ITGA9: variants seen among roughly 807,000 people sequenced by gnomAD.
The protein encoded by ITGA9 is integrin subunit alpha 9.
Under a neutral mutation model 127.8 loss-of-function variants are expected in ITGA9, and 56 were observed. The ratio of observed to expected loss-of-function variants is 0.44; its 90% confidence interval spans 0.35 to 0.55. ITGA9 has a LOEUF of 0.55. Among genes scored for constraint, ITGA9 ranks in the 20% least tolerant of loss-of-function variants. The pLI is 0.00. For missense variants in ITGA9, 1,196 were observed against 1,347.1 expected (o/e 0.89, Z 1.76); for synonymous variants, 508 against 514.5 (o/e 0.99, Z 0.17).
intron 18 of ITGA9, among the ~76,000 whole-genome samples, chr3:37,695,029 G>C (rs116761387): frequency 4.9e-3 from 753 of 152,264 alleles, no homozygotes; most frequent in Non-Finnish European, 7.7e-3. Context: ...GGGTCCCTCA[G>C]AGCGTGGCCT....
chr3:37,461,497 T>C (rs1698316343), intron 1 of ITGA9, among the ~76,000 whole-genome samples: 1 of 152,222 alleles, frequency 6.6e-6, no homozygotes, highest in South Asian at 2.1e-4. Flanking sequence ...TAGATGCTCG[T>C]AGTTATTTCT....
chr3:37,766,920 C>T (rs940620756), intron 23 of ITGA9, among the ~76,000 whole-genome samples: 6 of 152,230 alleles, frequency 3.9e-5, no homozygotes, highest in African/African-American at 1.4e-4. Context: ...CCATCTGTAT[C>T]GCTTTAACTC....
At chr3:37,756,408 T>G (rs2125540681) in intron 23 of ITGA9, among the ~76,000 whole-genome samples, 1 of 152,310 alleles carries the variant, frequency 6.6e-6, no homozygotes, top group South Asian at 2.1e-4. Context: ...AGAAAATTTA[T>G]TGCTTTCCCC....
intron 17 of ITGA9, among the ~76,000 whole-genome samples, chr3:37,671,493 A>T (rs1403959029): frequency 5.3e-5 from 8 of 152,234 alleles, no homozygotes; most frequent in Non-Finnish European, 1.5e-5. Context: ...TTAAAGTAAT[A>T]CATATTTACC....
At chr3:37,507,424 A>G (rs966450582) in intron 7 of ITGA9, among the ~76,000 whole-genome samples, 5 of 152,062 alleles carry the variant, frequency 3.3e-5, no homozygotes, top group African/African-American at 1.2e-4. Flanking sequence ...ATTGCAGAAA[A>G]CATGATCCAG....
Position 37,513,765 on chromosome 3 carries a change from G to A in ITGA9, c.900G>A (p.Met300Ile), listed in dbSNP as rs1698957094. 1 of 1,614,054 alleles carries A rather than the reference G, an allele frequency of 6.2e-7. No individual in the cohort carries two copies. The highest frequency in any genetic ancestry group is 8.5e-7 in the Non-Finnish European group (1 of 1,180,006). The change falls in exon 9 of 28, where the codon ATG becomes ATA. Residue 300 changes from methionine (M) to isoleucine (I), a missense_variant and splice_region_variant. By Grantham distance (10) the Met-to-Ile change is conservative (BLOSUM62 1). Coordinates refer to ENST00000264741, the MANE Select transcript of ITGA9 (RefSeq NM_002207.3). ...IKIFQASGKKMGSYFGSSLCA... is the reference protein window; with the variant it reads ...IKIFQASGKKIGSYFGSSLCA... ...GTTGCAACTCAACTTGGTTGCAGAT[G>A]GGCTCTTACTTCGGCTCCTCCTTGT... is the stretch of plus-strand genomic sequence containing the variant.
chr3:37,467,780 T>G (rs1212486708), intron 1 of ITGA9, among the ~76,000 whole-genome samples: 2 of 152,168 alleles, frequency 1.3e-5, no homozygotes, highest in Non-Finnish European at 2.9e-5. Flanking sequence ...AAGAGGTATT[T>G]TATGCTCCCC....
chr3:37,452,420 C>T lies in ITGA9; in HGVS notation c.46C>T (p.Leu16=). ...APRGAGRLRA[L]LLALVVAGIP... ...GAGGGGCGCCGGGAGGCTCCGCGCG[C>T]TGCTGCTGGCGCTGGTGGTCGCGGG... is the stretch of plus-strand genomic sequence containing the variant. The change falls in exon 1 of 28, where the codon CTG becomes TTG. Residue 16 remains leucine, a synonymous_variant. Coordinates refer to ENST00000264741, the MANE Select transcript of ITGA9 (RefSeq NM_002207.3). The surrounding 1 kb of genome is among the most constrained non-coding windows in gnomAD (Gnocchi z 7.3). 2 of 1,452,820 alleles carry T rather than the reference C, an allele frequency of 1.4e-6. No homozygotes were observed. The highest frequency in any genetic ancestry group is 1.8e-6 in the Non-Finnish European group (2 of 1,100,080). The allele number at this position is 1,452,820 out of a possible 1,614,324, so 90.0% of individuals were successfully genotyped here.
chr3:37,807,719 G>A (rs998592273), intron 27 of ITGA9: 1 of 152,368 alleles, frequency 6.6e-6, no homozygotes, highest in Non-Finnish European at 1.5e-5. Flanking sequence ...TGCACCAGGT[G>A]GTAGAGCAAG....
chr3:37,580,224 T>A (rs1380365586), intron 15 of ITGA9, among the ~76,000 whole-genome samples: 1 of 152,186 alleles, frequency 6.6e-6, no homozygotes, highest in Non-Finnish European at 1.5e-5. Flanking sequence ...ATGGGAGATG[T>A]CTGAGAAAAC....
At chr3:37,717,006 A>T (rs188583092) in intron 18 of ITGA9, among the ~76,000 whole-genome samples, 1 of 152,260 alleles carries the variant, frequency 6.6e-6, no homozygotes, top group East Asian at 1.9e-4. Flanking sequence ...CTTTTCTTTG[A>T]TGTGTGCATG....
chr3:37,750,954 A>C (rs972195603), intron 23 of ITGA9, among the ~76,000 whole-genome samples: 1 of 152,252 alleles, frequency 6.6e-6, no homozygotes, highest in Non-Finnish European at 1.5e-5. Flanking sequence ...ATTGCTCTCT[A>C]TAGGGGCACG....
At chr3:37,684,720 C>A (rs1420807545) in intron 18 of ITGA9, among the ~76,000 whole-genome samples, 1 of 152,216 alleles carries the variant, frequency 6.6e-6, no homozygotes. Flanking sequence ...CCGCCTGCCT[C>A]AGCCTCCCAA....
chr3:37,675,330 G>C (rs775832576), intron 17 of ITGA9, among the ~76,000 whole-genome samples: 1 of 152,194 alleles, frequency 6.6e-6, no homozygotes, highest in Non-Finnish European at 1.5e-5. Context: ...AGTTCCAGGT[G>C]CTCAGGGAGC....
chr3:37,637,777 A>T (rs369703027), intron 16 of ITGA9, among the ~76,000 whole-genome samples: 1 of 152,244 alleles, frequency 6.6e-6, no homozygotes, highest in East Asian at 1.9e-4. Context: ...GGTTCAAGTG[A>T]TTCTCCTGCC....
intron 17 of ITGA9, among the ~76,000 whole-genome samples, chr3:37,668,020 A>G (rs1471011902): frequency 6.6e-6 from 1 of 152,012 alleles, no homozygotes; most frequent in African/African-American, 2.4e-5. Context: ...CCGCCACCCA[A>G]GGACGTTTTT....
At position 37,721,897 on chromosome 3, in the gene ITGA9, C is replaced by T. The variant is rs78274324; in HGVS notation, c.2068-10815C>T. 2.7e-4 allele frequency among the ~76,000 whole-genome samples: 41 copies of T among 152,262 alleles called. No homozygotes were observed. In the East Asian group the frequency reaches 5.0e-3, roughly 19 times the overall value. ...GTTGCGCGTTCCCCACCCCAGGCCCCGTCTGATCTATTCTTACATCACAAC... is the reference window on the plus strand; with the variant it reads ...GTTGCGCGTTCCCCACCCCAGGCCCTGTCTGATCTATTCTTACATCACAAC... On this transcript the variant is annotated intron_variant, in intron 18 of 27. Transcript: ENST00000264741.
At chr3:37,779,824 G>A in intron 24 of ITGA9, 78 bp from the exon 25 acceptor site, 6 of 1,406,286 alleles carry the variant, frequency 4.3e-6, no homozygotes, top group Non-Finnish European at 6.0e-6. Flanking sequence ...AGTTCATGGA[G>A]CCCACTACTC....
chr3:37,539,193 G>A (rs1257975169), intron 14 of ITGA9, among the ~76,000 whole-genome samples: 5 of 152,204 alleles, frequency 3.3e-5, no homozygotes, highest in South Asian at 2.1e-4. Context: ...CTTGGCACAC[G>A]TTGCAGGTTG....
Sources: gnomAD v4.1 joint callset for allele counts (sites outside exome capture counted in the v4.1 genomes callset) on GRCh38, gnomAD v4.1.1 for gene constraint, Gnocchi (gnomAD v3.1) non-coding constraint, MANE v1.5 for transcripts, NCBI Gene and HGNC (gene_info 2026-07-23, HGNC 2026-07-21) for gene names.